SHROOM3: variants seen among roughly 807,000 people sequenced by gnomAD.
SHROOM3 encodes the protein protein Shroom3.
In SHROOM3, 47 loss-of-function variants were observed where a neutral mutation model predicts 138.6. The ratio of observed to expected loss-of-function variants is 0.34; its 90% confidence interval spans 0.27 to 0.43. The LOEUF (loss-of-function observed/expected upper bound fraction) is 0.43. Ranked by LOEUF, SHROOM3 falls within the 20% of genes least tolerant of loss-of-function variation. The probability of loss-of-function intolerance (pLI) is 1.00; values close to 1 mark genes in which losing one functional copy is unlikely to be tolerated. For missense variants in SHROOM3, 2,491 were observed against 2,596.5 expected (o/e 0.96, Z 0.88); for synonymous variants, 1,062 against 1,063.3 (o/e 1.00, Z 0.02).
rs554012916 is a variant in SHROOM3, at chr4:76,675,074, G to A, written c.324-35082G>A. Among the ~76,000 whole-genome samples, 248 of 152,174 alleles carry A rather than the reference G, an allele frequency of 1.6e-3. 2 individuals carry two copies. Among genetic ancestry groups the A allele is most frequent in the Non-Finnish European group, 2.1e-3 (144 of 68,030 alleles). ...GGCTTAGACAGTTTCCTCTGGGTAT[G>A]CTTTTAGGTTCTGTCAGATTTATTC... is the stretch of plus-strand genomic sequence containing the variant. On this transcript the variant is annotated intron_variant, in intron 2 of 10. Transcript: ENST00000296043.
At chr4:76,597,411 T>C (rs757269215) in intron 2 of SHROOM3, among the ~76,000 whole-genome samples, 2 of 152,268 alleles carry the variant, frequency 1.3e-5, no homozygotes, top group Non-Finnish European at 2.9e-5. Context: ...GGTGGAAATA[T>C]GAGACATTGA....
intron 2 of SHROOM3, among the ~76,000 whole-genome samples, chr4:76,636,349 T>G (rs550778223): frequency 4.6e-4 from 70 of 152,208 alleles, no homozygotes; most frequent in Non-Finnish European, 8.7e-4. Context: ...TTAGGAACTC[T>G]AAGGGAAAGA....
At position 76,710,661 on chromosome 4, in the gene SHROOM3, G is replaced by A. The variant is rs116573151; in HGVS notation, c.455+374G>A. 2.6e-3 allele frequency among the ~76,000 whole-genome samples: 396 copies of A among 152,122 alleles called. 3 individuals are homozygous for A. The highest frequency in any genetic ancestry group is 9.0e-3 in the African/African-American group (372 of 41,500). ...TTGGAAATGATCAGTGTGCCAAATT[G>A]TACAGCAAGACTAATTCATCTTTGA... On this transcript the variant is annotated intron_variant, in intron 3 of 10. Transcript: ENST00000296043.
chr4:76,579,102 C>A (rs1336762800), intron 2 of SHROOM3, among the ~76,000 whole-genome samples: 3 of 152,138 alleles, frequency 2.0e-5, no homozygotes, highest in Non-Finnish European at 4.4e-5. Flanking sequence ...ATCGCTTGAG[C>A]CCGGGAGGTC....
chr4:76,662,403 G>C (rs1031945095), intron 2 of SHROOM3, among the ~76,000 whole-genome samples: 6 of 152,268 alleles, frequency 3.9e-5, no homozygotes, highest in African/African-American at 1.4e-4. Context: ...AAGACGCATT[G>C]AATCCCCCTC....
intron 2 of SHROOM3, among the ~76,000 whole-genome samples, chr4:76,659,447 G>T (rs1290662913): frequency 6.6e-6 from 1 of 152,176 alleles, no homozygotes; most frequent in African/African-American, 2.4e-5. Context: ...GGTCATTTGG[G>T]TTTAGAGCCA....
chr4:76,507,804 A>G (rs553696653), intron 1 of SHROOM3, among the ~76,000 whole-genome samples: 58 of 151,968 alleles, frequency 3.8e-4, no homozygotes, highest in African/African-American at 1.3e-3. Flanking sequence ...TCGGCCTCCC[A>G]AAGTGCTGAG....
chr4:76,442,356 C>A (rs1473230703), intron 1 of SHROOM3, among the ~76,000 whole-genome samples: 1 of 151,396 alleles, frequency 6.6e-6, no homozygotes, highest in Admixed American at 6.6e-5. Context: ...GTATGTAAAG[C>A]CCCAGCTAGT....
At chr4:76,564,584 T>C (rs1032936506) in intron 2 of SHROOM3, among the ~76,000 whole-genome samples, 1 of 152,216 alleles carries the variant, frequency 6.6e-6, no homozygotes, top group Non-Finnish European at 1.5e-5. Flanking sequence ...CTGAGAGGTA[T>C]GCAATAAGAC....
chr4:76,568,794 C>T (rs1458348600), intron 2 of SHROOM3, among the ~76,000 whole-genome samples: 1 of 152,216 alleles, frequency 6.6e-6, no homozygotes, highest in African/African-American at 2.4e-5. Context: ...ACTCCCACCT[C>T]CTACCCCTCA....
intron 1 of SHROOM3, among the ~76,000 whole-genome samples, chr4:76,550,712 C>A (rs761963913): frequency 1.1e-4 from 16 of 152,092 alleles, no homozygotes; most frequent in Non-Finnish European, 1.9e-4. Context: ...AAAACGTCAT[C>A]CCATGGCCAG....
Position 76,477,668 on chromosome 4 carries a change from G to A in SHROOM3, c.168+41448G>A, listed in dbSNP as rs116126783. Among the ~76,000 whole-genome samples, 811 of 152,318 alleles carry A rather than the reference G, an allele frequency of 5.3e-3. 8 individuals carry two copies. Among genetic ancestry groups the A allele is most frequent in the African/African-American group, 0.019 (777 of 41,572 alleles). On this transcript the variant is annotated intron_variant, in intron 1 of 10. Coordinates refer to ENST00000296043, the MANE Select transcript of SHROOM3 (RefSeq NM_020859.4). ...AAGAACATGTTAAAGAACAGATGAT[G>A]TGATTTTGTGGCTGGCAAGATGGCC...
At chr4:76,702,992 A>G (rs945994232) in intron 2 of SHROOM3, among the ~76,000 whole-genome samples, 2 of 152,192 alleles carry the variant, frequency 1.3e-5, no homozygotes, top group African/African-American at 2.4e-5. Flanking sequence ...AGTCAGAAAT[A>G]TGCTGAATGT....
At chr4:76,468,110 A>G (rs1162540525) in intron 1 of SHROOM3, among the ~76,000 whole-genome samples, 3 of 152,266 alleles carry the variant, frequency 2.0e-5, no homozygotes, top group Non-Finnish European at 4.4e-5. Flanking sequence ...GCTGTTAACT[A>G]CAAGTCAGAG....
At chr4:76,543,396 T>C (rs917092369) in intron 1 of SHROOM3, among the ~76,000 whole-genome samples, 1 of 152,180 alleles carries the variant, frequency 6.6e-6, no homozygotes, top group African/African-American at 2.4e-5. Flanking sequence ...TACGAGCGTG[T>C]GGCTTACCCA....
intron 2 of SHROOM3, among the ~76,000 whole-genome samples, chr4:76,595,645 C>A (rs184204776): frequency 6.6e-6 from 1 of 152,098 alleles, no homozygotes; most frequent in Admixed American, 6.6e-5. Context: ...TATATCCTTG[C>A]CTACACTAGT....
chr4:76,589,306 A>G (rs1454014654), intron 2 of SHROOM3, among the ~76,000 whole-genome samples: 1 of 152,158 alleles, frequency 6.6e-6, no homozygotes, highest in Non-Finnish European at 1.5e-5. Flanking sequence ...TGTCTCTACT[A>G]AAAATACAAA....
chr4:76,742,022 C>T, intron 5 of SHROOM3, 96 bp downstream of exon 5: 4 of 1,472,748 alleles, frequency 2.7e-6, no homozygotes, highest in South Asian at 1.2e-5. Context: ...ACCCGCTCTC[C>T]CAGTTCAGTT....
At chr4:76,476,367 A>C (rs1731485334) in intron 1 of SHROOM3, among the ~76,000 whole-genome samples, 1 of 152,206 alleles carries the variant, frequency 6.6e-6, no homozygotes, top group Non-Finnish European at 1.5e-5. Flanking sequence ...TAAGCACTCA[A>C]GGTCTGGCCT....
Sources: allele counts gnomAD v4.1 joint callset (sites outside exome capture counted in the v4.1 genomes callset), GRCh38; gene constraint gnomAD v4.1.1; transcripts MANE v1.5; gene names NCBI Gene and HGNC (gene_info 2026-07-23, HGNC 2026-07-21).